WWC1: variants seen among roughly 807,000 people sequenced by gnomAD.
The protein encoded by WWC1 is WW and C2 domain containing 1, also known as protein KIBRA.
A neutral mutation model predicts 138.4 loss-of-function variants in WWC1; 55 were observed. The ratio of observed to expected loss-of-function variants is 0.40; its 90% CI spans 0.32 to 0.50. The LOEUF is 0.50. Ranked by LOEUF, WWC1 falls within the 20% of genes least tolerant of loss-of-function variation. The pLI, the probability that WWC1 is intolerant of heterozygous loss-of-function variation, is 0.72. For missense variants in WWC1, 1,226 were observed against 1,420.4 expected, an observed-to-expected ratio of 0.86 and a Z score of 2.20; for synonymous variants, 524 against 564.9, an observed-to-expected ratio of 0.93 and a Z score of 1.03.
At chr5:168,387,192 T>G (rs530932055) in intron 3 of WWC1, among the ~76,000 whole-genome samples, 3 of 152,292 alleles carry the variant, frequency 2.0e-5, no homozygotes, top group African/African-American at 7.2e-5. Context: ...GTCCCCACAG[T>G]ATTTTCAGTG....
chr5:168,303,381 G>A (rs1303746828), intron 1 of WWC1, among the ~76,000 whole-genome samples: 1 of 152,094 alleles, frequency 6.6e-6, no homozygotes, highest in Non-Finnish European at 1.5e-5. Flanking sequence ...AGGATAGTTT[G>A]AGCCCAGGAG....
intron 1 of WWC1, among the ~76,000 whole-genome samples, chr5:168,343,182 C>T (rs1264769227): frequency 7.2e-6 from 1 of 139,222 alleles, no homozygotes; most frequent in Non-Finnish European, 1.6e-5. Flanking sequence ...ATAAAGTTCA[C>T]TGTGCTAGGA....
intron 8 of WWC1, 23 bp downstream of exon 8, chr5:168,410,018 C>G (rs202091477): frequency 1.2e-6 from 2 of 1,611,370 alleles, no homozygotes; most frequent in Non-Finnish European, 1.7e-6. Context: ...GGGCTAGGGG[C>G]GGGATGGTTC....
rs1446586195 is a variant in WWC1, at chr5:168,414,736, C to T, written c.1184+146C>T. 6 of 1,198,148 alleles carry T rather than the reference C, an allele frequency of 5.0e-6. No homozygotes were observed. In the East Asian group the frequency reaches 1.6e-4, roughly 32 times the overall value. The allele number at this position is 1,198,148 out of a possible 1,614,324, so 74.2% of individuals were successfully genotyped here. ...GTTCAGAGATCTCTCAGGTTGCCGA[C>T]ATAGGAAATCAGGAAAGATGGTTTG... On this transcript the variant is annotated intron_variant, in intron 9 of 22. Transcript: ENST00000265293.
At chr5:168,455,029 G>A (rs1344042580) in intron 18 of WWC1, among the ~76,000 whole-genome samples, 1 of 152,212 alleles carries the variant, frequency 6.6e-6, no homozygotes, top group African/African-American at 2.4e-5. Flanking sequence ...TTTTGGGAGT[G>A]TGACATCCAG....
At chr5:168,422,487 C>T (rs1467474707) in intron 10 of WWC1, among the ~76,000 whole-genome samples, 2 of 152,100 alleles carry the variant, frequency 1.3e-5, no homozygotes, top group Non-Finnish European at 2.9e-5. Flanking sequence ...TGTGGTGGTG[C>T]ATGCCTGTGG....
At chr5:168,395,599 C>T (rs1407655565) in intron 3 of WWC1, among the ~76,000 whole-genome samples, 1 of 152,150 alleles carries the variant, frequency 6.6e-6, no homozygotes, top group African/African-American at 2.4e-5. Context: ...TCCCTGAAAT[C>T]CCCAAGTCTA....
chr5:168,361,650 T>C (rs1449105346), intron 1 of WWC1, among the ~76,000 whole-genome samples: 1 of 152,218 alleles, frequency 6.6e-6, no homozygotes, highest in East Asian at 1.9e-4. Context: ...CCAGGTCCCC[T>C]GGGTCCTTGG....
At chr5:168,300,086 C>T (rs146863562) in intron 1 of WWC1, among the ~76,000 whole-genome samples, 200 of 152,304 alleles carry the variant, frequency 1.3e-3, no homozygotes, top group African/African-American at 4.5e-3. Context: ...AAAAAACTCC[C>T]GTCTTGCCTC....
At chr5:168,359,778 G>A (rs187839706) in intron 1 of WWC1, among the ~76,000 whole-genome samples, 1 of 152,282 alleles carries the variant, frequency 6.6e-6, no homozygotes, top group East Asian at 1.9e-4. Context: ...TTCCTACAGT[G>A]TCTTCCCATT....
At chr5:168,354,632 C>T (rs910698795) in intron 1 of WWC1, among the ~76,000 whole-genome samples, 5 of 152,142 alleles carry the variant, frequency 3.3e-5, no homozygotes, top group Non-Finnish European at 5.9e-5. Flanking sequence ...GACCCAATTC[C>T]CGGGTCTGAC....
intron 3 of WWC1, among the ~76,000 whole-genome samples, chr5:168,388,567 C>T (rs1778216960): frequency 6.6e-6 from 1 of 152,150 alleles, no homozygotes; most frequent in Non-Finnish European, 1.5e-5. Context: ...CAGTGGCTCA[C>T]ACCTGTAATC....
intron 8 of WWC1, among the ~76,000 whole-genome samples, chr5:168,410,915 A>C (rs1025726130): frequency 1.3e-4 from 19 of 150,780 alleles, no homozygotes; most frequent in Admixed American, 1.3e-4. Context: ...ATCTGTCTTT[A>C]AGTTCATGAT....
Position 168,441,671 on chromosome 5 carries a change from A to G in WWC1, c.2281-11A>G. ...CGCCACTTATGTTCTCCTTGTTTCC[A>G]TCCCCAACAGGGAGGCGCCCAGATC... On this transcript the variant is annotated splice_polypyrimidine_tract_variant and intron_variant, in intron 15 of 22. Transcript: ENST00000265293. 2 of 1,612,780 alleles carry G rather than the reference A, an allele frequency of 1.2e-6. No individual in the cohort carries two copies. Among genetic ancestry groups the G allele is most frequent in the Non-Finnish European group, 1.7e-6 (2 of 1,179,392 alleles).
At chr5:168,347,431 C>G (rs186654682) in intron 1 of WWC1, among the ~76,000 whole-genome samples, 4 of 152,316 alleles carry the variant, frequency 2.6e-5, no homozygotes, top group Non-Finnish European at 5.9e-5. Flanking sequence ...ATTCTGTGCC[C>G]TAATCCTGAC....
chr5:168,397,631 T>G, intron 3 of WWC1, 93 bp from the exon 4 acceptor site: 1 of 1,332,080 alleles, frequency 7.5e-7, no homozygotes, highest in Non-Finnish European at 1.1e-6. Flanking sequence ...TTTTAGTCCT[T>G]CCCTTTCTAG....
intron 9 of WWC1, among the ~76,000 whole-genome samples, chr5:168,417,896 C>T (rs575017052): frequency 1.4e-4 from 21 of 152,280 alleles, no homozygotes; most frequent in East Asian, 7.7e-4. Context: ...AGTGGGGAGA[C>T]GGGAAAGCCG....
At chr5:168,345,217 G>T (rs1169863690) in intron 1 of WWC1, among the ~76,000 whole-genome samples, 1 of 152,204 alleles carries the variant, frequency 6.6e-6, no homozygotes, top group African/African-American at 2.4e-5. Context: ...CTGTTCTCCT[G>T]CCTCAACCTC....
At chr5:168,419,432 G>A (rs1780914495) in intron 9 of WWC1, among the ~76,000 whole-genome samples, 1 of 152,226 alleles carries the variant, frequency 6.6e-6, no homozygotes, top group Non-Finnish European at 1.5e-5. Context: ...TGTGCTGGGT[G>A]CTAGGTGCTG....
Sources: gnomAD v4.1 joint callset for allele counts (sites outside exome capture counted in the v4.1 genomes callset) on GRCh38, gnomAD v4.1.1 for gene constraint, MANE v1.5 for transcripts, NCBI Gene and HGNC (gene_info 2026-07-23, HGNC 2026-07-21) for gene names.